The following MAP7D1 variants were observed in gnomAD, a reference collection of about 807,000 sequenced individuals.
The protein encoded by MAP7D1 is MAP7 domain containing 1, also known as MAP7 domain-containing protein 1.
Under a neutral mutation model 97.5 loss-of-function variants are expected in MAP7D1, and 30 were observed. That is an observed-to-expected ratio of 0.31 (90% CI 0.23 to 0.42). MAP7D1 has a LOEUF of 0.42. MAP7D1 is among the 10% of genes least tolerant of loss of function. MAP7D1 has a pLI of 1.00. For synonymous variants in MAP7D1, 536 were observed against 477.1 expected, an observed-to-expected ratio of 1.12 and a Z score of -1.61; for missense variants, 1,184 against 1,179.5, an observed-to-expected ratio of 1.00 and a Z score of -0.06.
chr1:36,161,765 T>C (rs1402663217), intron 1 of MAP7D1, among the ~76,000 whole-genome samples: 2 of 152,230 alleles, frequency 1.3e-5, no homozygotes, highest in East Asian at 3.9e-4. Context: ...GCTTTGTCTG[T>C]TTCTTAGAGG....
chr1:36,171,488 G>A, intron 2 of MAP7D1, 25 bp from the exon 3 acceptor site: 1 of 1,613,752 alleles, frequency 6.2e-7, no homozygotes, highest in South Asian at 1.1e-5. Context: ...CTTTTGACCT[G>A]TCTGTTCTTG....
At chr1:36,158,556 A>T (rs1235115781) in intron 1 of MAP7D1, among the ~76,000 whole-genome samples, 1 of 152,200 alleles carries the variant, frequency 6.6e-6, no homozygotes, top group African/African-American at 2.4e-5. Context: ...TGGCTACTGG[A>T]CTGGAGCAAG....
At position 36,179,175 on chromosome 1, in the gene MAP7D1, C is replaced by T. The variant is rs1644679149; in HGVS notation, c.2131-87C>T. 9 of 1,544,730 alleles carry T rather than the reference C, an allele frequency of 5.8e-6. No homozygotes were observed. In the South Asian group the frequency reaches 6.8e-5, roughly 12 times the overall value. ...GAGGGCTGCTATGAGCTGGGAGGCC[C>T]TAAGACTCCGAGGCCGGGTCTGGCT... On this transcript the variant is annotated intron_variant, in intron 12 of 16. Coordinates refer to ENST00000474796, the MANE Select transcript of MAP7D1 (RefSeq NM_001388490.1).
At chr1:36,167,274 A>C (rs1267331032) in intron 1 of MAP7D1, among the ~76,000 whole-genome samples, 1 of 152,164 alleles carries the variant, frequency 6.6e-6, no homozygotes, top group Non-Finnish European at 1.5e-5. Flanking sequence ...AGGTAGAAGG[A>C]AAACTAGGAG....
intron 3 of MAP7D1, 118 bp downstream of exon 3, chr1:36,171,699 G>A (rs1034854615): frequency 2.1e-5 from 22 of 1,024,054 alleles, no homozygotes; most frequent in South Asian, 4.2e-5. Context: ...TTGGGAGGCC[G>A]AGGCGGGCGA....
chr1:36,166,389 C>CTTTTT (rs536815195), intron 1 of MAP7D1, among the ~76,000 whole-genome samples: 1 of 132,268 alleles, frequency 7.6e-6, no homozygotes, highest in Non-Finnish European at 1.6e-5. Context: ...GTGATCTGAC[C>CTTTTT]TTTTTTTTTT....
chr1:36,170,996 G>A lies in MAP7D1; in HGVS notation c.72G>A (p.Glu24=). 2 of 1,540,356 alleles carry A rather than the reference G, an allele frequency of 1.3e-6. No individual in the cohort carries two copies. The highest frequency in any genetic ancestry group is 8.9e-7 in the Non-Finnish European group (1 of 1,123,720). Residue 24 remains glutamate (E), a synonymous_variant, in exon 2 of 17, where the codon GAG becomes GAA. Transcript: ENST00000474796. Reference sequence around the variant, plus strand: ...CTGTGGTCGCCAGGACCCCCCCAGAGCCAAGACCTTCTCCAGAAGGTGACC... The same window carrying A: ...CTGTGGTCGCCAGGACCCCCCCAGAACCAAGACCTTCTCCAGAAGGTGACC... ...PPAVVARTPP[E]PRPSPEGDPS... is the part of the protein sequence containing the mutation.
chr1:36,161,804 C>T (rs770017161), intron 1 of MAP7D1, among the ~76,000 whole-genome samples: 5 of 151,634 alleles, frequency 3.3e-5, no homozygotes, highest in South Asian at 2.1e-4. Context: ...TCTGTGGGTA[C>T]ATCTGTGTGT....
rs763722586 is a variant in MAP7D1 at position 36,176,812 on chromosome 1, G to A, written c.1349G>A (p.Arg450His). ...TCGCTGCCCGCCTCCCCACGTGCCC[G>A]CCTCTCTGCCAGCACCGCCTCTGAG... Reference protein sequence around the residue: ...RQSLPASPRARLSASTASELS... With the variant: ...RQSLPASPRAHLSASTASELS... The change falls in exon 8 of 17, where the codon CGC becomes CAC. Residue 450 changes from arginine to histidine, a missense_variant. By Grantham distance (29) the Arg-to-His change is conservative (BLOSUM62 0). Coordinates refer to ENST00000474796, the MANE Select transcript of MAP7D1 (RefSeq NM_001388490.1). The surrounding 1 kb of genome is among the most constrained non-coding windows in gnomAD (Gnocchi z 6.1). 1.5e-5 allele frequency: 24 copies of A among 1,598,572 alleles called. No homozygotes were observed. Among genetic ancestry groups the A allele is most frequent in the Non-Finnish European group, 1.9e-5 (22 of 1,173,262 alleles).
Position 36,176,407 on chromosome 1 carries a change from T to C in MAP7D1, c.1059T>C (p.His353=). 6.5e-7 allele frequency: 1 copy of C among 1,534,460 alleles called. No homozygotes were observed. The highest frequency in any genetic ancestry group is 1.2e-5 in the South Asian group (1 of 84,246). Reference sequence around the variant, plus strand: ...GCGGGCCGCAACCCGACCGCACTCATCCCTCTGCAGCCGTGCCGGTGTGCC... The same window carrying C: ...GCGGGCCGCAACCCGACCGCACTCACCCCTCTGCAGCCGTGCCGGTGTGCC... ...LARGPQPDRT[H]PSAAVPVCPR... is the part of the protein sequence containing the mutation. The change falls in exon 7 of 17, where the codon CAT becomes CAC. Residue 353 remains histidine, a synonymous_variant. Transcript: ENST00000474796. The surrounding 1 kb of genome is among the most constrained non-coding windows in gnomAD (Gnocchi z 6.1).
chr1:36,178,808 G>C lies in MAP7D1; in HGVS notation c.2010G>C (p.Glu670Asp). Residue 670 changes from glutamate to aspartate, a missense_variant, in exon 11 of 17, where the codon GAG (glutamate) becomes GAC (aspartate). Coordinates refer to ENST00000474796, the MANE Select transcript of MAP7D1 (RefSeq NM_001388490.1). Reference protein sequence around the residue: ...EKAQAEQEEQERLQKQKEEAE... With the variant: ...EKAQAEQEEQDRLQKQKEEAE... ...CGCAGGCCGAGCAGGAGGAGCAGGAGCGGCTGCAGAAGCAGGTGCCCCCGG... is the reference window on the plus strand; with the variant it reads ...CGCAGGCCGAGCAGGAGGAGCAGGACCGGCTGCAGAAGCAGGTGCCCCCGG... 6.5e-7 allele frequency: 1 copy of C among 1,546,228 alleles called. No homozygotes were observed. Among genetic ancestry groups the C allele is most frequent in the East Asian group, 2.5e-5 (1 of 40,594 alleles).
chr1:36,167,331 G>C (rs113273946), intron 1 of MAP7D1, among the ~76,000 whole-genome samples: 10 of 152,294 alleles, frequency 6.6e-5, no homozygotes, highest in African/African-American at 1.9e-4. Context: ...TCAAGGAGCA[G>C]TCAGAAATCA....
Position 36,179,923 on chromosome 1 carries a change from C to T in MAP7D1, c.2368C>T (p.Leu790Phe). Residue 790 changes from leucine to phenylalanine, a missense_variant, in exon 16 of 17, where the codon CTC becomes TTC. Leu to Phe is a conservative substitution (Grantham distance 22). Transcript: ENST00000474796. Reference sequence around the variant, plus strand: ...GTCCCTGGTGAATGGCCTGCAGCCTCTCCCAGCACACCAGGAGAATGGCTT... The same window carrying T: ...GTCCCTGGTGAATGGCCTGCAGCCTTTCCCAGCACACCAGGAGAATGGCTT... Reference protein sequence around the residue: ...PASLVNGLQPLPAHQENGFST... With the variant: ...PASLVNGLQPFPAHQENGFST... 6.2e-7 allele frequency: 1 copy of T among 1,614,168 alleles called. No individual in the cohort carries two copies. Among genetic ancestry groups the T allele is most frequent in the Non-Finnish European group, 8.5e-7 (1 of 1,180,010 alleles).
intron 14 of MAP7D1, 26 bp downstream of exon 14, chr1:36,179,583 C>A (rs1414085311): frequency 1.3e-6 from 2 of 1,556,824 alleles, no homozygotes; most frequent in Non-Finnish European, 1.7e-6. Flanking sequence ...CTCTCGCCTC[C>A]CTTCCCTTTG....
Position 36,174,811 on chromosome 1 carries a change from C to T in MAP7D1, c.740-87C>T, listed in dbSNP as rs1026466221. The T allele has an allele frequency of 9.3e-5, 68 of 734,430 alleles. 2 individuals are homozygous for T. The Admixed American group carries it at 1.3e-3, about 14-fold the overall frequency. 45.5% of individuals were successfully genotyped at this position (734,430 alleles called of 1,614,324 possible). ...CCACTCCTCCCTCTCCCACCCCGCC[C>T]TCGGAGCATCCTGCATGGAAGGCCT... On this transcript the variant is annotated intron_variant, in intron 5 of 16. Coordinates refer to ENST00000474796, the MANE Select transcript of MAP7D1 (RefSeq NM_001388490.1).
At chr1:36,177,485 C>T (rs542541971) in intron 8 of MAP7D1, 1 of 474,996 alleles carries the variant, frequency 2.1e-6, no homozygotes, top group East Asian at 6.2e-5. Context: ...GATGATGCCA[C>T]TGCACTCCAG....
chr1:36,156,567 G>A, intron 1 of MAP7D1, 104 bp downstream of exon 1: 1 of 922,104 alleles, frequency 1.1e-6, no homozygotes, highest in Non-Finnish European at 1.5e-6. Context: ...CCGCTGCCGC[G>A]CCCTCTGACC....
At position 36,171,085 on chromosome 1, in the gene MAP7D1, C is replaced by T. The variant is rs1458248714; in HGVS notation, c.161C>T (p.Ala54Val). The T allele has an allele frequency of 1.2e-6, 2 of 1,606,230 alleles. No homozygotes were observed. The highest frequency in any genetic ancestry group is 1.7e-6 in the Non-Finnish European group (2 of 1,175,106). ...GACACTCCCCCGGACACCCCTCCTG[C>T]CATGAAGAATGCCACTAGCTCTAAG... ...VPDTPPDTPP[A>V]MKNATSSKQL... Residue 54 changes from alanine (A) to valine (V), a missense_variant, in exon 2 of 17, where the codon GCC becomes GTC. Coordinates refer to ENST00000474796, the MANE Select transcript of MAP7D1 (RefSeq NM_001388490.1).
intron 1 of MAP7D1, among the ~76,000 whole-genome samples, chr1:36,162,133 C>G (rs1644421318): frequency 6.6e-6 from 1 of 152,130 alleles, no homozygotes; most frequent in Non-Finnish European, 1.5e-5. Flanking sequence ...CTCTCGGCCT[C>G]GTGCCTCTGC....
Sources: gnomAD v4.1 joint callset for allele counts (sites outside exome capture counted in the v4.1 genomes callset) on GRCh38, gnomAD v4.1.1 for gene constraint, Gnocchi (gnomAD v3.1) non-coding constraint, MANE v1.5 for transcripts, NCBI Gene and HGNC (gene_info 2026-07-23, HGNC 2026-07-21) for gene names.